The following SPTSSB variants were observed in gnomAD, a reference collection of about 807,000 sequenced individuals.
SPTSSB encodes the protein serine palmitoyltransferase small subunit B.
In SPTSSB, 6 loss-of-function variants were observed where a neutral mutation model predicts 7.7. That is an observed-to-expected ratio of 0.78 (90% CI 0.43 to 1.54). The LOEUF is 1.54. SPTSSB is among the 40% of genes most tolerant of loss of function. The pLI is 0.01. For missense variants in SPTSSB, 91 were observed against 93.0 expected, an observed-to-expected ratio of 0.98 and a Z score of 0.09; for synonymous variants, 28 against 29.7, an observed-to-expected ratio of 0.94 and a Z score of 0.19.
At chr3:161,368,349 C>A (rs558066867) in intron 1 of SPTSSB, among the ~76,000 whole-genome samples, 82 of 152,094 alleles carry the variant, frequency 5.4e-4, no homozygotes, top group African/African-American at 1.8e-3. Flanking sequence ...TCATGACAGT[C>A]AATTTTAGAC....
chr3:161,371,177 T>C (rs1456268054), intron 1 of SPTSSB, among the ~76,000 whole-genome samples: 1 of 152,170 alleles, frequency 6.6e-6, no homozygotes, highest in Non-Finnish European at 1.5e-5. Flanking sequence ...GTGAAAATAG[T>C]AAAGAAATTT....
intron 2 of SPTSSB, chr3:161,359,457 G>A (rs1714913845): frequency 6.6e-6 from 1 of 152,220 alleles, no homozygotes; most frequent in African/African-American, 2.4e-5. Context: ...CACTTGTGCT[G>A]GGATTGGCCT....
chr3:161,348,885 T>C (rs531492560), intron 2 of SPTSSB, among the ~76,000 whole-genome samples: 1 of 152,080 alleles, frequency 6.6e-6, no homozygotes, highest in African/African-American at 2.4e-5. Context: ...AGAGGGAGAG[T>C]TGGTTATTAT....
At position 161,353,632 on chromosome 3, in the gene SPTSSB, A is replaced by G. The variant is rs142357888; in HGVS notation, c.-33+6170T>C. ...CAAGCTGCATCTTCATGTGAGCACA[A>G]TTAGATTCACAGAGATACAAAGACA... is the stretch of plus-strand genomic sequence containing the variant. On this transcript the variant is annotated intron_variant, in intron 2 of 2. Transcript: ENST00000620149. Among the ~76,000 whole-genome samples the G allele has an allele frequency of 7.9e-3, 1,198 of 152,272 alleles. 13 individuals are homozygous for G. Among genetic ancestry groups the G allele is most frequent in the African/African-American group, 0.027 (1,133 of 41,560 alleles).
chr3:161,370,487 A>G (rs1295497285), intron 1 of SPTSSB, among the ~76,000 whole-genome samples: 1 of 152,232 alleles, frequency 6.6e-6, no homozygotes, highest in East Asian at 1.9e-4. Flanking sequence ...GGAATAATTC[A>G]GATGTGGAAA....
chr3:161,346,205 G>A lies in SPTSSB; in HGVS notation c.119C>T (p.Thr40Ile), dbSNP rs1254441357. The A allele has an allele frequency of 6.2e-7, 1 of 1,612,300 alleles. No homozygotes were observed. The change falls in exon 3 of 3, where the codon ACC becomes ATC. Residue 40 changes from threonine (T) to isoleucine (I), a missense_variant. Coordinates refer to ENST00000620149, the MANE Select transcript of SPTSSB (RefSeq NM_001040100.2). ...ERSMFNTILLTIIAMVVYTAY... is the reference protein window; with the variant it reads ...ERSMFNTILLIIIAMVVYTAY... ...AGTGTATACCACCATAGCAATAATGGTTAGTAAGATGGTGTTAAACATAGA... is the reference window on the plus strand; with the variant it reads ...AGTGTATACCACCATAGCAATAATGATTAGTAAGATGGTGTTAAACATAGA...
intron 1 of SPTSSB, among the ~76,000 whole-genome samples, chr3:161,361,917 T>C (rs1359543014): frequency 1.3e-5 from 2 of 152,130 alleles, no homozygotes; most frequent in Non-Finnish European, 2.9e-5. Context: ...TCCTCCTAAA[T>C]AGAGGTAACT....
intron 2 of SPTSSB, among the ~76,000 whole-genome samples, chr3:161,349,368 A>T (rs1217270125): frequency 6.6e-6 from 1 of 152,218 alleles, no homozygotes; most frequent in Non-Finnish European, 1.5e-5. Context: ...ATAACCTAGA[A>T]CTAGATGATA....
chr3:161,365,009 T>C (rs1223930186), intron 1 of SPTSSB, among the ~76,000 whole-genome samples: 1 of 152,202 alleles, frequency 6.6e-6, no homozygotes, highest in Non-Finnish European at 1.5e-5. Context: ...AATTACTAAT[T>C]GACAACCTTT....
intron 1 of SPTSSB, among the ~76,000 whole-genome samples, chr3:161,363,276 A>G (rs1715083659): frequency 6.6e-6 from 1 of 151,600 alleles, no homozygotes; most frequent in Non-Finnish European, 1.5e-5. Context: ...TCAATAGTAT[A>G]ATACATTTAA....
intron 2 of SPTSSB, among the ~76,000 whole-genome samples, chr3:161,350,377 GA>G (rs140411236): frequency 2.0e-5 from 3 of 151,656 alleles, no homozygotes; most frequent in East Asian, 1.9e-4. Flanking sequence ...TTCTCCTGGG[GA>G]AAAAAAAGAC....
intron 1 of SPTSSB, among the ~76,000 whole-genome samples, chr3:161,368,890 C>T (rs1227714951): frequency 6.6e-6 from 1 of 152,234 alleles, no homozygotes; most frequent in Non-Finnish European, 1.5e-5. Context: ...GTATCAGCCA[C>T]ATGATTTTCA....
intron 1 of SPTSSB, among the ~76,000 whole-genome samples, chr3:161,362,087 G>T (rs1481132442): frequency 6.6e-6 from 1 of 152,064 alleles, no homozygotes. Flanking sequence ...GCTCTCCATC[G>T]CAGAGTAGAC....
At chr3:161,349,348 T>A (rs1714413696) in intron 2 of SPTSSB, among the ~76,000 whole-genome samples, 1 of 152,208 alleles carries the variant, frequency 6.6e-6, no homozygotes, top group Non-Finnish European at 1.5e-5. Flanking sequence ...ATGAAATTAA[T>A]TATCCACTGA....
Position 161,369,353 on chromosome 3 carries a change from TC to T in SPTSSB, c.-126+2081del, listed in dbSNP as rs1560109111. Among the ~76,000 whole-genome samples the T allele has an allele frequency of 1.9e-4, 10 of 53,924 alleles. 1 individual carries two copies. The highest frequency in any genetic ancestry group is 1.6e-3 in the East Asian group (2 of 1,258). 35.4% of individuals were successfully genotyped at this position (53,924 alleles called of 152,430 possible). A position where few individuals can be genotyped will look rare whatever the true frequency, so the allele number is the denominator to read the frequency against. Reference sequence around the variant, plus strand: ...CTTTCTTTCTTTCTTTCTTTCTTTCTCTTTCTTTCTCTCTCTGTCTCTCTTT... The same window carrying T: ...CTTTCTTTCTTTCTTTCTTTCTTTCTTTTCTTTCTCTCTCTGTCTCTCTTT... On this transcript the variant is annotated intron_variant, in intron 1 of 2. Coordinates refer to ENST00000620149, the MANE Select transcript of SPTSSB (RefSeq NM_001040100.2).
chr3:161,358,880 T>C lies in SPTSSB; in HGVS notation c.-33+922A>G, dbSNP rs562339698. 7.9e-5 allele frequency among the ~76,000 whole-genome samples: 12 copies of C among 152,322 alleles called. No homozygotes were observed. In the South Asian group the frequency reaches 1.2e-3, roughly 16 times the overall value. ...TGTTATCAATAATGTTAAAGTAATA[T>C]TGAGCTTTCAAAAATATTTTGAAAT... On this transcript the variant is annotated intron_variant, in intron 2 of 2. Coordinates refer to ENST00000620149, the MANE Select transcript of SPTSSB (RefSeq NM_001040100.2).
chr3:161,364,671 A>G (rs1413714805), intron 1 of SPTSSB, among the ~76,000 whole-genome samples: 1 of 151,232 alleles, frequency 6.6e-6, no homozygotes, highest in South Asian at 2.1e-4. Context: ...GCATCCATAT[A>G]TATATAATAT....
intron 2 of SPTSSB, among the ~76,000 whole-genome samples, chr3:161,356,957 G>A (rs987370396): frequency 6.6e-6 from 1 of 151,778 alleles, no homozygotes. Context: ...ACTTCAGCCT[G>A]GGCAAAAGAG....
chr3:161,354,710 T>C (rs1714692179), intron 2 of SPTSSB, among the ~76,000 whole-genome samples: 2 of 152,230 alleles, frequency 1.3e-5, no homozygotes, highest in African/African-American at 2.4e-5. Flanking sequence ...TTAAAAAACA[T>C]GTATTTCTAG....
Sources: gnomAD v4.1 joint callset for allele counts (sites outside exome capture counted in the v4.1 genomes callset) on GRCh38, gnomAD v4.1.1 for gene constraint, MANE v1.5 for transcripts, NCBI Gene and HGNC (gene_info 2026-07-23, HGNC 2026-07-21) for gene names.